The following CENPP variants were observed in gnomAD, a reference collection of about 807,000 sequenced individuals.
CENPP encodes centromere protein P.
A neutral mutation model predicts 35.6 loss-of-function variants in CENPP; 24 were observed. The ratio of observed to expected loss-of-function variants is 0.67; its 90% CI spans 0.49 to 0.95. CENPP has a LOEUF of 0.95. CENPP is among the 40% of genes least tolerant of loss of function. The probability of loss-of-function intolerance (pLI) is 0.00; values close to 1 mark genes in which losing one functional copy is unlikely to be tolerated. For missense variants in CENPP, 332 were observed against 345.3 expected (o/e 0.96, Z 0.31); for synonymous variants, 120 against 125.5 (o/e 0.96, Z 0.29).
chr9:92,348,908 G>A (rs188968328), intron 4 of CENPP, among the ~76,000 whole-genome samples: 61 of 152,204 alleles, frequency 4.0e-4, no homozygotes, highest in Middle Eastern at 3.4e-3. Context: ...TGCGATGATT[G>A]TTATCTTTAT....
intron 5 of CENPP, among the ~76,000 whole-genome samples, chr9:92,524,512 C>T (rs1848271511): frequency 6.6e-6 from 1 of 152,088 alleles, no homozygotes; most frequent in African/African-American, 2.4e-5. Flanking sequence ...AAAGTTAGTC[C>T]TACAAAGGAA....
At chr9:92,517,615 AT>A in intron 5 of CENPP, 1 of 1,593,282 alleles carries the variant, frequency 6.3e-7, no homozygotes, top group South Asian at 1.1e-5. Context: ...TTAATCTAAA[AT>A]TAGTAACAAA....
At chr9:92,497,335 A>G (rs1053762469) in intron 5 of CENPP, among the ~76,000 whole-genome samples, 3 of 150,812 alleles carry the variant, frequency 2.0e-5, no homozygotes, top group Non-Finnish European at 4.4e-5. Context: ...TTTAAAAAGT[A>G]AAGGGTAGGC....
At chr9:92,386,463 T>G (rs1225800024) in intron 5 of CENPP, among the ~76,000 whole-genome samples, 3 of 151,950 alleles carry the variant, frequency 2.0e-5, no homozygotes, top group African/African-American at 7.3e-5. Flanking sequence ...CTTGTTTGGG[T>G]TTTTTTTCTG....
Position 92,393,134 on chromosome 9 carries a change from G to C in CENPP, c.564+13275G>C, listed in dbSNP as rs921620393. The C allele has an allele frequency of 5.0e-6, 8 of 1,613,752 alleles. No individual in the cohort carries two copies. Among genetic ancestry groups the C allele is most frequent in the Non-Finnish European group, 6.8e-6 (8 of 1,179,874 alleles). On this transcript the variant is annotated intron_variant, in intron 5 of 7. Coordinates refer to ENST00000375587, the MANE Select transcript of CENPP (RefSeq NM_001012267.3). ...GTCAGCTTTTTAATTTTGTTGAATCGTGCGTAAAGATAGGCTGATTCCTTT... is the reference window on the plus strand; with the variant it reads ...GTCAGCTTTTTAATTTTGTTGAATCCTGCGTAAAGATAGGCTGATTCCTTT...
chr9:92,370,518 C>T (rs957438038), intron 4 of CENPP, among the ~76,000 whole-genome samples: 1 of 152,070 alleles, frequency 6.6e-6, no homozygotes, highest in African/African-American at 2.4e-5. Context: ...CAGTCTGTCT[C>T]CCAGGCTGGA....
At chr9:92,448,352 C>G (rs1844605761) in intron 5 of CENPP, among the ~76,000 whole-genome samples, 1 of 151,842 alleles carries the variant, frequency 6.6e-6, no homozygotes, top group Non-Finnish European at 1.5e-5. Context: ...TGACTGCAGC[C>G]TCTGCCTCCC....
At chr9:92,438,518 T>G (rs1401359781) in intron 5 of CENPP, among the ~76,000 whole-genome samples, 1 of 152,256 alleles carries the variant, frequency 6.6e-6, no homozygotes, top group East Asian at 1.9e-4. Context: ...CCTCTAACTT[T>G]GTTGTTCTTT....
chr9:92,397,767 G>T (rs1842949408), intron 5 of CENPP, among the ~76,000 whole-genome samples: 1 of 152,184 alleles, frequency 6.6e-6, no homozygotes, highest in Admixed American at 6.5e-5. Flanking sequence ...GTGTTTATTT[G>T]TCTCTTTCTC....
intron 5 of CENPP, chr9:92,401,161 T>G: frequency 1.3e-6 from 2 of 1,529,286 alleles, no homozygotes; most frequent in African/African-American, 1.4e-5. Flanking sequence ...CTTTTCTCAT[T>G]GGGTATTATC....
In CENPP at chr9:92,437,270, C is replaced by CT. The variant is rs1223884419; in HGVS notation, c.564+57418dup. 3.9e-5 allele frequency among the ~76,000 whole-genome samples: 6 copies of CT among 152,082 alleles called. No homozygotes were observed. In the South Asian group the frequency reaches 8.3e-4, roughly 21 times the overall value. On this transcript the variant is annotated intron_variant, in intron 5 of 7. Coordinates refer to ENST00000375587, the MANE Select transcript of CENPP (RefSeq NM_001012267.3). ...ACATTAAAACTGTATATCAATTTGC[C>CT]TTTTTTTAATTGGGTTTTTGTCTTA...
At chr9:92,358,914 G>T (rs938496166) in intron 4 of CENPP, among the ~76,000 whole-genome samples, 12 of 147,766 alleles carry the variant, frequency 8.1e-5, no homozygotes, top group Admixed American at 4.0e-4. Flanking sequence ...TTCATTTCAC[G>T]AGGCCATTCT....
intron 5 of CENPP, among the ~76,000 whole-genome samples, chr9:92,538,467 A>G (rs1487222106): frequency 6.6e-6 from 1 of 152,224 alleles, no homozygotes; most frequent in Non-Finnish European, 1.5e-5. Context: ...GCTTTGTATA[A>G]TCAGATAAGA....
chr9:92,555,380 C>G (rs576239579), intron 5 of CENPP, among the ~76,000 whole-genome samples: 1 of 151,826 alleles, frequency 6.6e-6, no homozygotes, highest in Non-Finnish European at 1.5e-5. Flanking sequence ...ATGCATACCA[C>G]CATGTCTGGC....
intron 5 of CENPP, among the ~76,000 whole-genome samples, chr9:92,579,517 A>G (rs910210501): frequency 7.9e-5 from 12 of 152,052 alleles, no homozygotes; most frequent in African/African-American, 2.9e-4. Context: ...GGTCCTTCAC[A>G]TCCCTTGTAA....
At chr9:92,546,641 A>T (rs1022146126) in intron 5 of CENPP, among the ~76,000 whole-genome samples, 1 of 152,202 alleles carries the variant, frequency 6.6e-6, no homozygotes, top group Admixed American at 6.5e-5. Context: ...CAAACTCTGG[A>T]CACGCTGCCT....
intron 5 of CENPP, chr9:92,495,756 A>C (rs932508713): frequency 3.2e-6 from 3 of 938,514 alleles, no homozygotes; most frequent in Non-Finnish European, 3.8e-6. Context: ...GTAGTGTTTT[A>C]ATTTTACACA....
chr9:92,496,287 T>A, intron 5 of CENPP: 1 of 1,556,974 alleles, frequency 6.4e-7, no homozygotes, highest in Non-Finnish European at 8.6e-7. Context: ...ATGAGTAAAG[T>A]TTATAAACAG....
intron 5 of CENPP, among the ~76,000 whole-genome samples, chr9:92,452,707 C>T (rs916746702): frequency 1.3e-4 from 20 of 152,074 alleles, no homozygotes; most frequent in Non-Finnish European, 1.5e-4. Flanking sequence ...TGGTAGAATT[C>T]GGCTGTGAAT....
Sources: gnomAD v4.1 joint callset for allele counts (sites outside exome capture counted in the v4.1 genomes callset) on GRCh38, gnomAD v4.1.1 for gene constraint, MANE v1.5 for transcripts, NCBI Gene and HGNC (gene_info 2026-07-23, HGNC 2026-07-21) for gene names.